The following SPOCK3 variants were observed in gnomAD, a reference collection of about 807,000 sequenced individuals.
The protein encoded by SPOCK3 is testican-3.
A neutral mutation model predicts 56.6 loss-of-function variants in SPOCK3; 30 were observed. The observed-to-expected ratio is 0.53, with a 90% CI of 0.40 to 0.72. The LOEUF (loss-of-function observed/expected upper bound fraction) is 0.72. SPOCK3 is among the 30% of genes least tolerant of loss of function. The pLI is 0.00. For missense variants in SPOCK3, 527 were observed against 530.0 expected, an observed-to-expected ratio of 0.99 and a Z score of 0.06; for synonymous variants, 196 against 183.3, an observed-to-expected ratio of 1.07 and a Z score of -0.56.
chr4:167,013,128 A>G (rs1013427144), intron 3 of SPOCK3, among the ~76,000 whole-genome samples: 4 of 152,052 alleles, frequency 2.6e-5, no homozygotes, highest in African/African-American at 7.2e-5. Context: ...GCTACCTATT[A>G]GCAGATTTTG....
chr4:166,791,004 T>C (rs996485237), intron 7 of SPOCK3, among the ~76,000 whole-genome samples: 3 of 152,154 alleles, frequency 2.0e-5, no homozygotes, highest in Non-Finnish European at 4.4e-5. Context: ...TCAAAATATT[T>C]ACATTTGCCA....
intron 2 of SPOCK3, among the ~76,000 whole-genome samples, chr4:167,186,647 C>A (rs974162211): frequency 1.3e-5 from 2 of 150,540 alleles, no homozygotes; most frequent in Admixed American, 6.6e-5. Context: ...AAACAAACAA[C>A]AACAACAAAA....
intron 3 of SPOCK3, among the ~76,000 whole-genome samples, chr4:167,030,259 T>C (rs1752144156): frequency 6.6e-6 from 1 of 152,102 alleles, no homozygotes; most frequent in Non-Finnish European, 1.5e-5. Context: ...CTGAATCTCA[T>C]TTCATTTTTA....
rs554955108 is a variant in SPOCK3 at position 166,881,097 on chromosome 4, T to C, written c.589+8033A>G. Among the ~76,000 whole-genome samples, 20 of 152,210 alleles carry C rather than the reference T, an allele frequency of 1.3e-4. No homozygotes were observed. The South Asian group carries it at 3.7e-3, about 28-fold the overall frequency. On this transcript the variant is annotated intron_variant, in intron 6 of 10. Coordinates refer to ENST00000357545, the MANE Select transcript of SPOCK3 (RefSeq NM_001040159.2). The stretch of plus-strand genomic sequence containing the variant: ...AACCATACAAACTTTCAACATATAC[T>C]TTTAAATTAGTTGTTATATAGAATA...
At chr4:167,028,887 T>C (rs1309256908) in intron 3 of SPOCK3, among the ~76,000 whole-genome samples, 1 of 152,058 alleles carries the variant, frequency 6.6e-6, no homozygotes, top group Non-Finnish European at 1.5e-5. Flanking sequence ...GCCTGTTCTC[T>C]CAAACAACAC....
At chr4:166,944,823 C>T (rs551790629) in intron 4 of SPOCK3, among the ~76,000 whole-genome samples, 52 of 152,186 alleles carry the variant, frequency 3.4e-4, no homozygotes, top group African/African-American at 1.2e-3. Context: ...ATTCATTTCC[C>T]TCTGTGGTTC....
At chr4:166,735,312 G>A (rs898643470) in intron 10 of SPOCK3, among the ~76,000 whole-genome samples, 7 of 151,932 alleles carry the variant, frequency 4.6e-5, no homozygotes, top group Non-Finnish European at 1.5e-5. Flanking sequence ...CATTATTGAG[G>A]TATGTTATGC....
At chr4:166,744,830 C>T (rs985764100) in intron 8 of SPOCK3, among the ~76,000 whole-genome samples, 2 of 151,926 alleles carry the variant, frequency 1.3e-5, no homozygotes, top group Admixed American at 6.6e-5. Context: ...ATGAGAACTA[C>T]GTGATGCGTG....
chr4:166,987,257 C>T (rs181880858), intron 4 of SPOCK3, among the ~76,000 whole-genome samples: 1 of 152,254 alleles, frequency 6.6e-6, no homozygotes, highest in African/African-American at 2.4e-5. Flanking sequence ...TCTTTGCAAT[C>T]TCTGTTCCCT....
At chr4:166,805,890 A>G (rs1399320588) in intron 6 of SPOCK3, among the ~76,000 whole-genome samples, 1 of 152,122 alleles carries the variant, frequency 6.6e-6, no homozygotes, top group Non-Finnish European at 1.5e-5. Context: ...AATAAATACT[A>G]TTTAAATAGT....
chr4:167,022,069 T>C (rs767155302), intron 3 of SPOCK3, among the ~76,000 whole-genome samples: 2 of 151,962 alleles, frequency 1.3e-5, no homozygotes, highest in African/African-American at 4.8e-5. Context: ...CTCTGTTAGT[T>C]TGGAGCACAG....
At chr4:166,886,757 A>T (rs1308195260) in intron 6 of SPOCK3, among the ~76,000 whole-genome samples, 2 of 152,196 alleles carry the variant, frequency 1.3e-5, no homozygotes, top group African/African-American at 4.8e-5. Flanking sequence ...AACAGAGAAG[A>T]TATTAAATAG....
At chr4:166,876,178 A>G (rs922463484) in intron 6 of SPOCK3, among the ~76,000 whole-genome samples, 1 of 152,232 alleles carries the variant, frequency 6.6e-6, no homozygotes, top group African/African-American at 2.4e-5. Flanking sequence ...GCCTAATTCA[A>G]TAACTCCACC....
chr4:167,027,368 T>C (rs1335880506), intron 3 of SPOCK3, among the ~76,000 whole-genome samples: 2 of 152,068 alleles, frequency 1.3e-5, no homozygotes, highest in African/African-American at 4.8e-5. Flanking sequence ...AACCTCATCG[T>C]ACCTGATATT....
chr4:167,148,179 T>G (rs759110997), intron 2 of SPOCK3, among the ~76,000 whole-genome samples: 27 of 152,180 alleles, frequency 1.8e-4, no homozygotes, highest in Non-Finnish European at 3.5e-4. Context: ...TTTGCCAATA[T>G]CACGAGACAT....
At chr4:167,183,675 T>C (rs935639939) in intron 2 of SPOCK3, among the ~76,000 whole-genome samples, 7 of 152,332 alleles carry the variant, frequency 4.6e-5, no homozygotes, top group South Asian at 2.1e-4. Context: ...CATAAAATTA[T>C]AGTTTGCCTA....
chr4:166,764,564 C>T (rs79128379), intron 7 of SPOCK3, among the ~76,000 whole-genome samples: 32,255 of 152,022 alleles, frequency 0.21, 4,141 homozygotes, highest in South Asian at 0.31. Context: ...TGTATATGTG[C>T]CACATTTTCT....
intron 4 of SPOCK3, among the ~76,000 whole-genome samples, chr4:166,955,872 C>T (rs997290060): frequency 5.9e-5 from 9 of 151,904 alleles, no homozygotes; most frequent in African/African-American, 2.2e-4. Context: ...TATCTCTCTT[C>T]TGTCACTTTT....
chr4:167,063,926 A>G (rs1183782341), intron 2 of SPOCK3, among the ~76,000 whole-genome samples: 1 of 151,882 alleles, frequency 6.6e-6, no homozygotes, highest in Non-Finnish European at 1.5e-5. Context: ...GTTAGATTAA[A>G]TCTAATATAT....
Sources: gnomAD v4.1 joint callset for allele counts (sites outside exome capture counted in the v4.1 genomes callset) on GRCh38, gnomAD v4.1.1 for gene constraint, MANE v1.5 for transcripts, NCBI Gene and HGNC (gene_info 2026-07-23, HGNC 2026-07-21) for gene names.